The following BMAL2 variants were observed in gnomAD, a reference collection of about 807,000 sequenced individuals.
BMAL2 encodes basic helix-loop-helix ARNT like 2.
chr12:27,422,835 T>C, the BMAL2 span: 1 of 152,238 alleles, frequency 6.6e-6, no homozygotes, highest in African/African-American at 2.4e-5. Context: ...TAGGCCATCA[T>C]AGCTGGATGG....
chr12:27,363,445 AT>A, the BMAL2 span, among the ~76,000 whole-genome samples: 1 of 152,228 alleles, frequency 6.6e-6, no homozygotes, highest in African/African-American at 2.4e-5. Context: ...CCAGCAGAGC[AT>A]GAGCGTTTCC....
the BMAL2 span, among the ~76,000 whole-genome samples, chr12:27,409,906 C>A: frequency 2.6e-5 from 4 of 152,030 alleles, no homozygotes; most frequent in Non-Finnish European, 5.9e-5. Context: ...AAGAAAAAAA[C>A]AAACAACCCC....
At chr12:27,387,699 T>C in the BMAL2 span, among the ~76,000 whole-genome samples, 1 of 152,242 alleles carries the variant, frequency 6.6e-6, no homozygotes, top group South Asian at 2.1e-4. Flanking sequence ...TATTAAGTTA[T>C]AATCATTGCA....
At chr12:27,412,392 G>A in the BMAL2 span, among the ~76,000 whole-genome samples, 1 of 152,168 alleles carries the variant, frequency 6.6e-6, no homozygotes, top group Non-Finnish European at 1.5e-5. Context: ...AAGTCAAGTA[G>A]TAGAGGAACT....
At chr12:27,399,771 T>C in the BMAL2 span, among the ~76,000 whole-genome samples, 2 of 152,226 alleles carry the variant, frequency 1.3e-5, no homozygotes, top group Admixed American at 1.3e-4. Flanking sequence ...CCCTACTTTT[T>C]AACCTTTAAA....
At chr12:27,389,133 A>G in the BMAL2 span, 5 of 1,280,988 alleles carry the variant, frequency 3.9e-6, no homozygotes, top group South Asian at 6.3e-5. Flanking sequence ...AGAAATGTAG[A>G]AAAAGCATGG....
the BMAL2 span, among the ~76,000 whole-genome samples, chr12:27,359,642 G>A: frequency 7.9e-5 from 12 of 152,068 alleles, no homozygotes; most frequent in African/African-American, 2.4e-4. Context: ...TGATTGCACC[G>A]CTGCACTCCA....
the BMAL2 span, among the ~76,000 whole-genome samples, chr12:27,362,067 T>A: frequency 6.6e-6 from 1 of 152,058 alleles, no homozygotes; most frequent in Admixed American, 6.6e-5. Context: ...TCTGAACTTA[T>A]GTGAGGGAAA....
At chr12:27,368,849 T>A in the BMAL2 span, among the ~76,000 whole-genome samples, 14 of 152,210 alleles carry the variant, frequency 9.2e-5, no homozygotes, top group Non-Finnish European at 1.5e-4. Context: ...TTTCCCTATT[T>A]ATTAAGTCAA....
At chr12:27,336,947 C>CAAA in the BMAL2 span, among the ~76,000 whole-genome samples, 15 of 73,774 alleles carry the variant, frequency 2.0e-4, no homozygotes, top group Middle Eastern at 8.1e-3. Flanking sequence ...GAGACTGTCT[C>CAAA]AAAAAAAAAA....
chr12:27,389,399 A>G, the BMAL2 span: 1 of 709,694 alleles, frequency 1.4e-6, no homozygotes, highest in South Asian at 1.8e-5. Context: ...AGCTTTTATC[A>G]AGAGAGAATT....
At chr12:27,358,027 A>G in the BMAL2 span, among the ~76,000 whole-genome samples, 1 of 151,724 alleles carries the variant, frequency 6.6e-6, no homozygotes, top group African/African-American at 2.4e-5. Context: ...TATTTTTTAT[A>G]TTTATTTATT....
the BMAL2 span, among the ~76,000 whole-genome samples, chr12:27,411,375 T>C: frequency 6.6e-6 from 1 of 151,874 alleles, no homozygotes; most frequent in Admixed American, 6.6e-5. Flanking sequence ...CCCAGCACTT[T>C]GGGAGGCCAA....
chr12:27,354,137 A>T, the BMAL2 span, among the ~76,000 whole-genome samples: 1 of 152,232 alleles, frequency 6.6e-6, no homozygotes, highest in Admixed American at 6.5e-5. Context: ...CTGCAACACT[A>T]TTCAAAATAG....
chr12:27,360,004 G>C, the BMAL2 span, among the ~76,000 whole-genome samples: 3 of 143,598 alleles, frequency 2.1e-5, no homozygotes, highest in African/African-American at 5.2e-5. Context: ...AGTGAGCTGA[G>C]ATTGTGCCGC....
At chr12:27,407,437 G>T in the BMAL2 span, among the ~76,000 whole-genome samples, 340 of 152,190 alleles carry the variant, frequency 2.2e-3, no homozygotes, top group Middle Eastern at 6.8e-3. Context: ...GGATTAAGAA[G>T]CTCACTCAAA....
the BMAL2 span, among the ~76,000 whole-genome samples, chr12:27,362,872 A>T: frequency 3.3e-5 from 5 of 151,990 alleles, no homozygotes; most frequent in East Asian, 9.6e-4. Flanking sequence ...GGAGTGCAGC[A>T]CACTCACTGT....
the BMAL2 span, among the ~76,000 whole-genome samples, chr12:27,348,498 T>C: frequency 6.6e-6 from 1 of 152,072 alleles, no homozygotes; most frequent in African/African-American, 2.4e-5. Context: ...ATTGACAACA[T>C]AACAAAGCAG....
chr12:27,352,457 T>A, the BMAL2 span, among the ~76,000 whole-genome samples: 3 of 152,142 alleles, frequency 2.0e-5, no homozygotes, highest in Non-Finnish European at 4.4e-5. Context: ...TCAGCCAACA[T>A]CATACTGAAC....
Sources: allele counts gnomAD v4.1 joint callset (sites outside exome capture counted in the v4.1 genomes callset), GRCh38; gene constraint gnomAD v4.1.1; transcripts MANE v1.5; gene names NCBI Gene and HGNC (gene_info 2026-07-23, HGNC 2026-07-21).